SCRN1: variants seen among roughly 807,000 people sequenced by gnomAD.
The protein encoded by SCRN1 is secernin 1.
Under a neutral mutation model 43.3 loss-of-function variants are expected in SCRN1, and 19 were observed. The ratio of observed to expected loss-of-function variants is 0.44; its 90% confidence interval spans 0.31 to 0.64. SCRN1 has a LOEUF of 0.64. Ranked by LOEUF, SCRN1 falls within the 30% of genes least tolerant of loss-of-function variation. The pLI, the probability that SCRN1 is intolerant of heterozygous loss-of-function variation, is 0.09. For missense variants in SCRN1, 447 were observed against 524.1 expected (o/e 0.85, Z 1.44); for synonymous variants, 183 against 188.9 (o/e 0.97, Z 0.26).
intron 2 of SCRN1, among the ~76,000 whole-genome samples, chr7:29,956,957 T>A (rs1788157520): frequency 2.6e-5 from 4 of 152,158 alleles, no homozygotes; most frequent in Admixed American, 2.6e-4. Flanking sequence ...GCACTCTATG[T>A]CAAAAAGTAG....
intron 2 of SCRN1, among the ~76,000 whole-genome samples, chr7:29,966,152 C>T (rs10235556): frequency 4.4e-4 from 10 of 22,790 alleles, no homozygotes; most frequent in East Asian, 1.0e-3. Context: ...AGAGAGAGAC[C>T]GAGAGACAGA....
At chr7:29,956,295 C>T (rs1788134087) in intron 2 of SCRN1, among the ~76,000 whole-genome samples, 1 of 152,170 alleles carries the variant, frequency 6.6e-6, no homozygotes. Context: ...CACGTTGTGA[C>T]CCACGGCAGA....
At chr7:29,960,969 T>C (rs1382592609) in intron 2 of SCRN1, among the ~76,000 whole-genome samples, 5 of 151,850 alleles carry the variant, frequency 3.3e-5, no homozygotes, top group African/African-American at 1.2e-4. Flanking sequence ...AATATAAAAT[T>C]GGGATGTTCC....
At chr7:29,975,644 A>T (rs547856463) in intron 1 of SCRN1, among the ~76,000 whole-genome samples, 41 of 152,244 alleles carry the variant, frequency 2.7e-4, no homozygotes, top group Non-Finnish European at 4.4e-4. Context: ...TATAGGTACT[A>T]TGTTGAGATG....
chr7:29,968,902 G>A lies in SCRN1; in HGVS notation c.159+7C>T, dbSNP rs1334286256. 14 of 1,613,984 alleles carry A rather than the reference G, an allele frequency of 8.7e-6. No individual in the cohort carries two copies. Among genetic ancestry groups the A allele is most frequent in the East Asian group, 2.2e-5 (1 of 44,892 alleles). On this transcript the variant is annotated splice_region_variant and intron_variant, in intron 2 of 7. Transcript: ENST00000242059. ...TGTGACTCGCGAGACTGCAATGCAC[G>A]GCTTACCTCAACCTTGCTCTCCGGT... is the stretch of plus-strand genomic sequence containing the variant.
At chr7:29,975,691 A>G (rs1029071033) in intron 1 of SCRN1, among the ~76,000 whole-genome samples, 8 of 152,250 alleles carry the variant, frequency 5.3e-5, no homozygotes, top group African/African-American at 1.9e-4. Flanking sequence ...GAAAAAACTT[A>G]AAAGCAACAG....
rs555412429 is a variant in SCRN1 at position 29,923,508 on chromosome 7, CTGTG to C, written c.*445_*448del. On this transcript the variant is annotated 3_prime_UTR_variant, in exon 8 of 8. Coordinates refer to ENST00000242059, the MANE Select transcript of SCRN1 (RefSeq NM_014766.5). ...CCCCTTGACAACACACACAAGAGCC[CTGTG>C]TGTGTGCACAAATGCCTCTTGTTAA... is the stretch of plus-strand genomic sequence containing the variant. 1.6e-3 allele frequency: 262 copies of C among 164,810 alleles called. No homozygotes were observed. Among genetic ancestry groups the C allele is most frequent in the African/African-American group, 6.0e-3 (250 of 41,712 alleles). The allele number at this position is 164,810 out of a possible 1,614,324, so 10.2% of individuals were successfully genotyped here. A position where few individuals can be genotyped will look rare whatever the true frequency, so the allele number is the denominator to read the frequency against.
intron 2 of SCRN1, among the ~76,000 whole-genome samples, chr7:29,964,404 A>C (rs1788422378): frequency 6.6e-6 from 1 of 152,226 alleles, no homozygotes; most frequent in Non-Finnish European, 1.5e-5. Flanking sequence ...AAGTTTAAAA[A>C]AGCCAATCTG....
chr7:29,987,464 A>G (rs1789197770), intron 1 of SCRN1, among the ~76,000 whole-genome samples: 1 of 152,242 alleles, frequency 6.6e-6, no homozygotes, highest in Non-Finnish European at 1.5e-5. Context: ...GGTTCTCCAC[A>G]AACACAAGCA....
At position 29,957,299 on chromosome 7, in the gene SCRN1, G is replaced by A. The variant is rs551308023; in HGVS notation, c.160-1939C>T. Among the ~76,000 whole-genome samples the A allele has an allele frequency of 6.6e-5, 10 of 152,298 alleles. No homozygotes were observed. In the South Asian group the frequency reaches 1.7e-3, roughly 25 times the overall value. On this transcript the variant is annotated intron_variant, in intron 2 of 7. Transcript: ENST00000242059. The stretch of plus-strand genomic sequence containing the variant: ...TGGCTGGGGAGGAAGGCAAAGGCGC[G>A]CACACAAATTCCTACGAGCCCAGGC...
chr7:29,989,909 C>G, upstream of SCRN1: 2 of 1,111,466 alleles, frequency 1.8e-6, no homozygotes, highest in Non-Finnish European at 2.2e-6. Flanking sequence ...CCGCACCCCG[C>G]GCGTCTGGCT....
intron 2 of SCRN1, among the ~76,000 whole-genome samples, chr7:29,964,882 C>T (rs1021525055): frequency 3.9e-5 from 6 of 152,000 alleles, no homozygotes; most frequent in African/African-American, 2.4e-5. Context: ...CTGGAGGTTG[C>T]AGTGAGCCAA....
intron 6 of SCRN1, among the ~76,000 whole-genome samples, chr7:29,931,664 G>A (rs889357749): frequency 2.1e-4 from 32 of 152,146 alleles, no homozygotes; most frequent in Non-Finnish European, 4.6e-4. Flanking sequence ...CTCAAACATG[G>A]CTCTGCTCTT....
chr7:29,928,110 G>A (rs895895814), intron 6 of SCRN1, among the ~76,000 whole-genome samples: 5 of 152,114 alleles, frequency 3.3e-5, no homozygotes, highest in East Asian at 1.9e-4. Context: ...GTGACTGAGC[G>A]AGACTTTGTC....
At chr7:29,933,422 G>A (rs1025089070) in intron 6 of SCRN1, among the ~76,000 whole-genome samples, 6 of 152,122 alleles carry the variant, frequency 3.9e-5, no homozygotes, top group Admixed American at 3.3e-4. Flanking sequence ...GTAAGACTCC[G>A]AATTTTACAC....
At chr7:29,935,241 A>G (rs1471990356) in intron 6 of SCRN1, among the ~76,000 whole-genome samples, 1 of 152,228 alleles carries the variant, frequency 6.6e-6, no homozygotes, top group Admixed American at 6.5e-5. Flanking sequence ...ACATCTATTG[A>G]TATTGGCAGT....
intron 5 of SCRN1, 92 bp from the exon 6 acceptor site, chr7:29,936,813 G>A (rs554961603): frequency 4.0e-4 from 398 of 1,006,922 alleles, no homozygotes; most frequent in African/African-American, 8.4e-4. Flanking sequence ...TTGGGAGGCC[G>A]AGGCGGGCGG....
rs763587731 is a variant in SCRN1, at chr7:29,923,950, G to A, written c.*7C>T. On this transcript the variant is annotated 3_prime_UTR_variant, in exon 8 of 8. Transcript: ENST00000242059. ...CTTAAATAAGAAGGGGAAAGGGAAC[G>A]CTTACTTCACTTAAAGAACTTAATC... The A allele has an allele frequency of 2.2e-5, 35 of 1,606,144 alleles. No individual in the cohort carries two copies. Among genetic ancestry groups the A allele is most frequent in the African/African-American group, 1.9e-4 (14 of 74,536 alleles).
At position 29,944,712 on chromosome 7, in the gene SCRN1, G is replaced by T. The variant is rs905236768; in HGVS notation, c.342-533C>A. On this transcript the variant is annotated intron_variant, in intron 3 of 7. Transcript: ENST00000242059. ...AAGAAAGAAAGAAAAAATCATAGGG[G>T]TGTTTTCTGTCTTTGGTCATTTCCC... 6.4e-4 allele frequency among the ~76,000 whole-genome samples: 97 copies of T among 151,658 alleles called. 1 individual carries two copies. The highest frequency in any genetic ancestry group is 1.3e-3 in the South Asian group (6 of 4,784).
Sources: gnomAD v4.1 joint callset for allele counts (sites outside exome capture counted in the v4.1 genomes callset) on GRCh38, gnomAD v4.1.1 for gene constraint, MANE v1.5 for transcripts, NCBI Gene and HGNC (gene_info 2026-07-23, HGNC 2026-07-21) for gene names.